KCNAB1: variants seen among roughly 807,000 people sequenced by gnomAD.
The protein encoded by KCNAB1 is potassium voltage-gated channel subfamily A regulatory beta subunit 1, also known as voltage-gated potassium channel subunit beta-1.
Under a neutral mutation model 64.6 loss-of-function variants are expected in KCNAB1, and 35 were observed. The observed-to-expected ratio is 0.54, with a 90% CI of 0.41 to 0.72. KCNAB1 has a LOEUF of 0.72. Among genes scored for constraint, KCNAB1 ranks in the 30% least tolerant of loss-of-function variants. KCNAB1 has a pLI of 0.00. For missense variants in KCNAB1, 401 were observed against 512.9 expected (o/e 0.78, Z 2.11); for synonymous variants, 177 against 183.8 (o/e 0.96, Z 0.30).
intron 11 of KCNAB1, among the ~76,000 whole-genome samples, chr3:156,516,799 A>G (rs1717594827): frequency 6.6e-6 from 1 of 152,202 alleles, no homozygotes; most frequent in African/African-American, 2.4e-5. Context: ...ATGAGGCCAA[A>G]AGTTGTAGCT....
intron 2 of KCNAB1, among the ~76,000 whole-genome samples, chr3:156,430,177 G>C (rs1045998015): frequency 1.5e-4 from 23 of 152,244 alleles, no homozygotes; most frequent in African/African-American, 4.8e-4. Context: ...CTGCTCCCAG[G>C]AGTCTATTAG....
Position 156,537,114 on chromosome 3 carries a change from A to T in KCNAB1, c.*367A>T. On this transcript the variant is annotated 3_prime_UTR_variant, in exon 14 of 14. Transcript: ENST00000490337. Reference sequence around the variant, plus strand: ...TTTTTCAAAAGAACAAAATCCACAGATGCAATGTGAGTTGCGTAAGAAACA... The same window carrying T: ...TTTTTCAAAAGAACAAAATCCACAGTTGCAATGTGAGTTGCGTAAGAAACA... 2.5e-6 allele frequency: 1 copy of T among 402,146 alleles called. No individual in the cohort carries two copies. Among genetic ancestry groups the T allele is most frequent in the East Asian group, 3.5e-5 (1 of 28,236 alleles). 24.9% of individuals were successfully genotyped at this position (402,146 alleles called of 1,614,324 possible). A position where few individuals can be genotyped will look rare whatever the true frequency, so the allele number is the denominator to read the frequency against.
chr3:156,479,860 A>C (rs1315831730), intron 8 of KCNAB1, among the ~76,000 whole-genome samples: 1 of 152,152 alleles, frequency 6.6e-6, no homozygotes, highest in African/African-American at 2.4e-5. Flanking sequence ...AGTTAGCTTC[A>C]CTTATTCCCA....
At chr3:156,196,542 T>C (rs1279981251) in intron 1 of KCNAB1, among the ~76,000 whole-genome samples, 1 of 152,162 alleles carries the variant, frequency 6.6e-6, no homozygotes, top group Non-Finnish European at 1.5e-5. Context: ...GTAAGTTGTA[T>C]TCTTAGGTAT....
At chr3:156,485,005 T>C (rs1431972283) in intron 8 of KCNAB1, among the ~76,000 whole-genome samples, 1 of 152,160 alleles carries the variant, frequency 6.6e-6, no homozygotes, top group Non-Finnish European at 1.5e-5. Flanking sequence ...CCAAGATTGT[T>C]GTGAAGACAA....
chr3:156,446,452 G>A (rs190130167), intron 2 of KCNAB1, among the ~76,000 whole-genome samples: 63 of 152,292 alleles, frequency 4.1e-4, no homozygotes, highest in African/African-American at 1.5e-3. Flanking sequence ...ATTCTTTAGT[G>A]ACGTAACAGA....
intron 1 of KCNAB1, among the ~76,000 whole-genome samples, chr3:156,213,506 G>C (rs1715141105): frequency 6.6e-6 from 1 of 152,158 alleles, no homozygotes; most frequent in African/African-American, 2.4e-5. Flanking sequence ...GAGCCACCTT[G>C]CTCAGCCTTT....
At chr3:156,123,529 AT>A (rs1355886012) in intron 1 of KCNAB1, among the ~76,000 whole-genome samples, 1 of 152,244 alleles carries the variant, frequency 6.6e-6, no homozygotes, top group African/African-American at 2.4e-5. Context: ...AAGAAGTAAA[AT>A]TGCAGGCAGC....
chr3:156,305,454 A>G (rs961789608), intron 1 of KCNAB1, among the ~76,000 whole-genome samples: 1 of 152,184 alleles, frequency 6.6e-6, no homozygotes, highest in East Asian at 1.9e-4. Context: ...GCATTACAAT[A>G]CAACCCTTTT....
intron 1 of KCNAB1, among the ~76,000 whole-genome samples, chr3:156,183,053 A>G (rs1332410520): frequency 6.6e-6 from 1 of 152,118 alleles, no homozygotes; most frequent in Non-Finnish European, 1.5e-5. Flanking sequence ...ATTTTTTACC[A>G]TACAATAATT....
intron 1 of KCNAB1, among the ~76,000 whole-genome samples, chr3:156,385,673 A>G (rs958063846): frequency 4.6e-5 from 7 of 152,238 alleles, no homozygotes; most frequent in African/African-American, 7.2e-5. Flanking sequence ...AGTTTAATTT[A>G]GGTAATAACT....
intron 1 of KCNAB1, among the ~76,000 whole-genome samples, chr3:156,369,756 C>T (rs1296095714): frequency 1.3e-5 from 2 of 152,186 alleles, no homozygotes; most frequent in Non-Finnish European, 2.9e-5. Flanking sequence ...TAAGCTTAAA[C>T]AAATGTCACT....
chr3:156,342,543 G>A (rs1724189815), intron 1 of KCNAB1, among the ~76,000 whole-genome samples: 2 of 150,042 alleles, frequency 1.3e-5, no homozygotes, highest in African/African-American at 4.9e-5. Flanking sequence ...GGCTGGAAAT[G>A]GGGCTTGGAC....
At chr3:156,293,104 T>A (rs1720553878) in intron 1 of KCNAB1, among the ~76,000 whole-genome samples, 1 of 152,222 alleles carries the variant, frequency 6.6e-6, no homozygotes, top group Non-Finnish European at 1.5e-5. Context: ...CTGGTAATAG[T>A]GGCTGCTCTA....
At chr3:156,271,309 A>G (rs1445189614) in intron 1 of KCNAB1, among the ~76,000 whole-genome samples, 1 of 152,114 alleles carries the variant, frequency 6.6e-6, no homozygotes, top group Non-Finnish European at 1.5e-5. Context: ...TTTAGGGCCT[A>G]TAACTCTTAA....
At chr3:156,135,823 C>A (rs1216498318) in intron 1 of KCNAB1, among the ~76,000 whole-genome samples, 1 of 152,144 alleles carries the variant, frequency 6.6e-6, no homozygotes, top group Admixed American at 6.5e-5. Context: ...CATGGCAGAG[C>A]ATGTGGCACC....
intron 1 of KCNAB1, among the ~76,000 whole-genome samples, chr3:156,383,831 C>T (rs913106277): frequency 6.6e-6 from 1 of 152,208 alleles, no homozygotes. Context: ...TGGTTTCCAA[C>T]AGCGTTTTTC....
chr3:156,312,698 G>A (rs1323486724), intron 1 of KCNAB1, among the ~76,000 whole-genome samples: 1 of 50,750 alleles, frequency 2.0e-5, no homozygotes, highest in Non-Finnish European at 3.2e-5. Context: ...GAGTGAGACT[G>A]TCTCCAAAAA....
At chr3:156,188,941 C>T (rs1713382615) in intron 1 of KCNAB1, among the ~76,000 whole-genome samples, 1 of 152,134 alleles carries the variant, frequency 6.6e-6, no homozygotes, top group Non-Finnish European at 1.5e-5. Context: ...TCGTGGTGGG[C>T]CCTGGGGACT....
Sources: gnomAD v4.1 joint callset for allele counts (sites outside exome capture counted in the v4.1 genomes callset) on GRCh38, gnomAD v4.1.1 for gene constraint, MANE v1.5 for transcripts, NCBI Gene and HGNC (gene_info 2026-07-23, HGNC 2026-07-21) for gene names.